SPIDR: variants seen among roughly 807,000 people sequenced by gnomAD.
SPIDR encodes DNA repair-scaffolding protein.
A neutral mutation model predicts 104.6 loss-of-function variants in SPIDR; 93 were observed. That is an observed-to-expected ratio of 0.89 (90% CI 0.75 to 1.06). The LOEUF is 1.06. SPIDR is among the 50% of genes least tolerant of loss of function. The pLI is 0.00. For synonymous variants in SPIDR, 431 were observed against 416.9 expected, an observed-to-expected ratio of 1.03 and a Z score of -0.41; for missense variants, 1,154 against 1,111.2, an observed-to-expected ratio of 1.04 and a Z score of -0.55.
intron 5 of SPIDR, among the ~76,000 whole-genome samples, chr8:47,367,296 G>T (rs1160775439): frequency 6.6e-6 from 1 of 152,182 alleles, no homozygotes; most frequent in Non-Finnish European, 1.5e-5. Flanking sequence ...TCCTATCACT[G>T]CAGGAGCTGA....
chr8:47,635,895 A>T (rs954618164), intron 10 of SPIDR, among the ~76,000 whole-genome samples: 1 of 152,168 alleles, frequency 6.6e-6, no homozygotes. Context: ...GGATAAGGAG[A>T]CCCACCCACA....
rs2086239337 is a variant in SPIDR, at chr8:47,532,770, C to CT, written c.1098-63041_1098-63040insT. On this transcript the variant is annotated intron_variant, in intron 8 of 19. Transcript: ENST00000297423. The stretch of plus-strand genomic sequence containing the variant: ...AAAGGCATTGTTGAACTGAACAACA[C>CT]AATCAACAGAATCTAATTTACATTT... Among the ~76,000 whole-genome samples, 2 of 152,174 alleles carry CT rather than the reference C, an allele frequency of 1.3e-5. 1 individual carries two copies. Among genetic ancestry groups the CT allele is most frequent in the South Asian group, 4.1e-4 (2 of 4,836 alleles).
chr8:47,511,197 G>A (rs889620483), intron 8 of SPIDR: 1 of 1,588,168 alleles, frequency 6.3e-7, no homozygotes. Flanking sequence ...TGCTGATCCT[G>A]TGGCTGTGGT....
intron 5 of SPIDR, among the ~76,000 whole-genome samples, chr8:47,342,381 G>GGC (rs1214466876): frequency 2.4e-5 from 3 of 122,454 alleles, no homozygotes; most frequent in African/African-American, 9.8e-5. Context: ...CTGTCACCCA[G>GGC]GCTGGAGTGC....
At chr8:47,370,319 G>A (rs1554637851) in intron 5 of SPIDR, among the ~76,000 whole-genome samples, 1 of 152,016 alleles carries the variant, frequency 6.6e-6, no homozygotes, top group African/African-American at 2.4e-5. Flanking sequence ...TTCATATAGA[G>A]CAGTTGTCTC....
chr8:47,460,273 G>A (rs1009888164), intron 8 of SPIDR, among the ~76,000 whole-genome samples: 6 of 152,024 alleles, frequency 3.9e-5, no homozygotes, highest in Non-Finnish European at 8.8e-5. Context: ...TGTCTATCTC[G>A]TTACTTATGT....
chr8:47,553,452 CT>C (rs1251580309), intron 8 of SPIDR, among the ~76,000 whole-genome samples: 3 of 152,100 alleles, frequency 2.0e-5, no homozygotes, highest in Non-Finnish European at 4.4e-5. Flanking sequence ...TCTTTTTACT[CT>C]TTTTTCTCTA....
At chr8:47,707,152 G>A (rs1324787913) in intron 14 of SPIDR, among the ~76,000 whole-genome samples, 1 of 151,852 alleles carries the variant, frequency 6.6e-6, no homozygotes, top group Non-Finnish European at 1.5e-5. Flanking sequence ...TACTTGGGAG[G>A]CTGAGGCAGG....
In SPIDR at chr8:47,700,392, T is replaced by C; in HGVS notation, c.1686-11T>C. ...TCTGATGATGAATACCTTTGACTTT[T>C]CTTGTTCCAGGACAGCGGGGATTTT... On this transcript the variant is annotated splice_polypyrimidine_tract_variant and intron_variant, in intron 11 of 19. Coordinates refer to ENST00000297423, the MANE Select transcript of SPIDR (RefSeq NM_001080394.4). 6.2e-7 allele frequency: 1 copy of C among 1,614,188 alleles called. No individual in the cohort carries two copies. Among genetic ancestry groups the C allele is most frequent in the Non-Finnish European group, 8.5e-7 (1 of 1,180,020 alleles).
intron 8 of SPIDR, chr8:47,547,300 T>C: frequency 1.8e-6 from 1 of 570,814 alleles, no homozygotes; most frequent in Non-Finnish European, 3.5e-6. Context: ...GAGACGAAAA[T>C]TCTCTCCCAT....
chr8:47,711,368 G>A (rs953226599), intron 14 of SPIDR, among the ~76,000 whole-genome samples: 1 of 151,994 alleles, frequency 6.6e-6, no homozygotes, highest in African/African-American at 2.4e-5. Context: ...TTTCAGAGAT[G>A]GCATCTTGCT....
chr8:47,289,119 T>C (rs1554565799), intron 3 of SPIDR, among the ~76,000 whole-genome samples: 2 of 152,126 alleles, frequency 1.3e-5, no homozygotes, highest in Non-Finnish European at 2.9e-5. Context: ...AAACTCGTCC[T>C]CCTGCTTCAG....
At chr8:47,328,443 G>A (rs1328450871) in intron 5 of SPIDR, among the ~76,000 whole-genome samples, 1 of 150,576 alleles carries the variant, frequency 6.6e-6, no homozygotes, top group Non-Finnish European at 1.5e-5. Context: ...TCAGAGATGG[G>A]GTCTTGCTAT....
At chr8:47,420,856 C>T (rs1554679775) in intron 7 of SPIDR, among the ~76,000 whole-genome samples, 1 of 152,176 alleles carries the variant, frequency 6.6e-6, no homozygotes, top group South Asian at 2.1e-4. Context: ...TTTTATTTCT[C>T]CTTCACTTAT....
chr8:47,631,192 C>T (rs1028143786), intron 10 of SPIDR, among the ~76,000 whole-genome samples: 3 of 152,142 alleles, frequency 2.0e-5, no homozygotes, highest in Non-Finnish European at 4.4e-5. Flanking sequence ...TCATGCAACC[C>T]ATGGATCCTC....
intron 1 of SPIDR, among the ~76,000 whole-genome samples, chr8:47,274,626 A>G (rs2036003981): frequency 6.7e-6 from 1 of 149,048 alleles, no homozygotes; most frequent in Admixed American, 6.7e-5. Flanking sequence ...CACCCATGCT[A>G]GAGTCCAGTT....
intron 2 of SPIDR, among the ~76,000 whole-genome samples, chr8:47,282,003 C>T (rs1554559044): frequency 6.6e-6 from 1 of 152,222 alleles, no homozygotes; most frequent in Non-Finnish European, 1.5e-5. Context: ...CATTCATCTC[C>T]TTGTACTTCT....
chr8:47,384,484 G>A (rs1356596611), intron 5 of SPIDR, among the ~76,000 whole-genome samples: 1 of 152,050 alleles, frequency 6.6e-6, no homozygotes, highest in Non-Finnish European at 1.5e-5. Context: ...ACTGGTATCC[G>A]CAGGCTGTAG....
At chr8:47,335,416 A>G (rs1020364781) in intron 5 of SPIDR, among the ~76,000 whole-genome samples, 1 of 151,930 alleles carries the variant, frequency 6.6e-6, no homozygotes, top group Non-Finnish European at 1.5e-5. Context: ...TTCTCACAAC[A>G]GTTCATTCTT....
Sources: gnomAD v4.1 joint callset for allele counts (sites outside exome capture counted in the v4.1 genomes callset) on GRCh38, gnomAD v4.1.1 for gene constraint, MANE v1.5 for transcripts, NCBI Gene and HGNC (gene_info 2026-07-23, HGNC 2026-07-21) for gene names.